Variants in FAF1 observed in about 807,000 individuals in gnomAD.
FAF1 encodes the protein Fas associated factor 1, also known as FAS-associated factor 1.
In FAF1, 25 loss-of-function variants were observed where a neutral mutation model predicts 92.5. The observed-to-expected ratio is 0.27, with a 90% CI of 0.20 to 0.38. FAF1 has a LOEUF of 0.38. Ranked by LOEUF, FAF1 falls within the 10% of genes least tolerant of loss-of-function variation. The pLI is 1.00. For synonymous variants in FAF1, 234 were observed against 273.2 expected (o/e 0.86, Z 1.42); for missense variants, 636 against 793.3 (o/e 0.80, Z 2.38).
chr1:50,940,042 C>G (rs1645118754), intron 1 of FAF1, among the ~76,000 whole-genome samples: 1 of 152,154 alleles, frequency 6.6e-6, no homozygotes, highest in African/African-American at 2.4e-5. Flanking sequence ...TCCCGAGTAG[C>G]TGGGACTACA....
chr1:50,898,399 C>T (rs1644772530), intron 1 of FAF1, among the ~76,000 whole-genome samples: 1 of 152,182 alleles, frequency 6.6e-6, no homozygotes, highest in Admixed American at 6.5e-5. Flanking sequence ...TATACCTATA[C>T]AGATAGACAC....
chr1:50,917,624 A>AAGGAAAGGAAAGG (rs755873261), intron 1 of FAF1, among the ~76,000 whole-genome samples: 2 of 72,248 alleles, frequency 2.8e-5, no homozygotes, highest in Non-Finnish European at 5.5e-5. Context: ...AGGGAAAGGA[A>AAGGAAAGGAAAGG]AAAGGAAAGG....
At chr1:50,452,250 C>A in intron 18 of FAF1, 1 of 889,468 alleles carries the variant, frequency 1.1e-6, no homozygotes, top group South Asian at 1.4e-5. Flanking sequence ...GAACAATTTG[C>A]AAGCTCATTG....
At chr1:50,670,133 A>G (rs1322221790) in intron 7 of FAF1, among the ~76,000 whole-genome samples, 1 of 151,780 alleles carries the variant, frequency 6.6e-6, no homozygotes, top group African/African-American at 2.4e-5. Flanking sequence ...AAAAGAAAAA[A>G]AAAAAAAAAA....
chr1:50,597,779 C>T (rs1263463104), intron 8 of FAF1, among the ~76,000 whole-genome samples: 2 of 152,006 alleles, frequency 1.3e-5, no homozygotes, highest in East Asian at 3.8e-4. Flanking sequence ...CATTTTTTGA[C>T]AAGACATGAA....
intron 7 of FAF1, among the ~76,000 whole-genome samples, chr1:50,665,939 G>T (rs926878969): frequency 1.3e-5 from 2 of 152,072 alleles, no homozygotes; most frequent in Non-Finnish European, 2.9e-5. Flanking sequence ...TATTTTGGGA[G>T]GTCAAGGTGG....
chr1:50,937,147 AAT>A (rs1378547594), intron 1 of FAF1, among the ~76,000 whole-genome samples: 1 of 152,144 alleles, frequency 6.6e-6, no homozygotes, highest in Non-Finnish European at 1.5e-5. Flanking sequence ...CCACCCACTC[AAT>A]ATGTGTCAAA....
At chr1:50,442,680 A>G (rs1387656395) in intron 18 of FAF1, among the ~76,000 whole-genome samples, 1 of 152,098 alleles carries the variant, frequency 6.6e-6, no homozygotes, top group African/African-American at 2.4e-5. Flanking sequence ...AGCTGCTCCT[A>G]ATAAGATGGT....
chr1:50,759,597 T>C (rs58384431), intron 4 of FAF1, among the ~76,000 whole-genome samples: 10,033 of 152,096 alleles, frequency 0.066, 390 homozygotes, highest in East Asian at 0.091. Flanking sequence ...TTGTGAATAG[T>C]GCCGCAATAA....
At chr1:50,657,762 G>T (rs1362160254) in intron 7 of FAF1, among the ~76,000 whole-genome samples, 1 of 152,118 alleles carries the variant, frequency 6.6e-6, no homozygotes, top group Non-Finnish European at 1.5e-5. Context: ...ACGGAAAGGA[G>T]AAACAAAAAA....
At chr1:50,891,446 T>G in intron 1 of FAF1, among the ~76,000 whole-genome samples, 1 of 152,210 alleles carries the variant, frequency 6.6e-6, no homozygotes, top group East Asian at 1.9e-4. Flanking sequence ...TTCTGATTTT[T>G]AGAATTTTCA....
chr1:50,480,584 C>A (rs1646689255), intron 17 of FAF1, among the ~76,000 whole-genome samples: 2 of 152,004 alleles, frequency 1.3e-5, no homozygotes, highest in South Asian at 4.2e-4. Context: ...CTAAATGGAG[C>A]CTACATTCTA....
chr1:50,806,125 A>G (rs1330729114), intron 2 of FAF1, among the ~76,000 whole-genome samples: 1 of 152,186 alleles, frequency 6.6e-6, no homozygotes, highest in Non-Finnish European at 1.5e-5. Flanking sequence ...TGTATCTGAG[A>G]TAGATTTATA....
intron 15 of FAF1, among the ~76,000 whole-genome samples, chr1:50,518,562 T>A (rs71651149): frequency 8.8e-4 from 134 of 152,070 alleles, no homozygotes; most frequent in Admixed American, 2.4e-3. Flanking sequence ...TGCCTCAGCC[T>A]CCTGAGTAGC....
chr1:50,835,570 CAAA>C (rs573942977), intron 2 of FAF1, among the ~76,000 whole-genome samples: 3 of 54,890 alleles, frequency 5.5e-5, no homozygotes, highest in Admixed American at 4.0e-4. Flanking sequence ...GACTCCATCT[CAAA>C]AAAAAAAAAA....
intron 15 of FAF1, among the ~76,000 whole-genome samples, chr1:50,528,537 AAATTTT>A (rs1271517060): frequency 1.3e-5 from 2 of 152,128 alleles, no homozygotes; most frequent in Non-Finnish European, 2.9e-5. Flanking sequence ...CTTCCTAATC[AAATTTT>A]CTTTTATGGA....
intron 8 of FAF1, among the ~76,000 whole-genome samples, chr1:50,628,111 C>G (rs962251546): frequency 6.6e-6 from 1 of 151,808 alleles, no homozygotes; most frequent in Non-Finnish European, 1.5e-5. Flanking sequence ...GTTTATGTTT[C>G]TGTGTGTGTG....
chr1:50,614,365 A>T (rs1326948808), intron 8 of FAF1, among the ~76,000 whole-genome samples: 1 of 152,168 alleles, frequency 6.6e-6, no homozygotes, highest in Non-Finnish European at 1.5e-5. Context: ...AAACTAGTTT[A>T]CCTGTAACTT....
chr1:50,909,686 A>G (rs1644868936), intron 1 of FAF1, among the ~76,000 whole-genome samples: 1 of 152,202 alleles, frequency 6.6e-6, no homozygotes, highest in African/African-American at 2.4e-5. Context: ...AAGGTTGTGC[A>G]TGCATCATGT....
Sources: allele counts gnomAD v4.1 joint callset (sites outside exome capture counted in the v4.1 genomes callset), GRCh38; gene constraint gnomAD v4.1.1; transcripts MANE v1.5; gene names NCBI Gene and HGNC (gene_info 2026-07-23, HGNC 2026-07-21).